The following SHANK2 variants were observed in gnomAD, a reference collection of about 807,000 sequenced individuals.
The protein encoded by SHANK2 is SH3 and multiple ankyrin repeat domains 2, also known as SH3 and multiple ankyrin repeat domains protein 2.
SHANK2 carries 43 observed loss-of-function variants against 133.7 expected under a neutral mutation model. The observed-to-expected ratio is 0.32, with a 90% CI of 0.25 to 0.41. The LOEUF is 0.41. Among genes scored for constraint, SHANK2 ranks in the 10% least tolerant of loss-of-function variants. SHANK2 has a pLI of 1.00. For synonymous variants in SHANK2, 1,017 were observed against 952.8 expected (o/e 1.07, Z -1.24); for missense variants, 1,994 against 2,235.8 (o/e 0.89, Z 2.18).
intron 17 of SHANK2, among the ~76,000 whole-genome samples, chr11:70,600,432 A>G (rs1290602257): frequency 6.6e-6 from 1 of 151,394 alleles, no homozygotes; most frequent in Non-Finnish European, 1.5e-5. Flanking sequence ...AAAAAAAAAA[A>G]AAAAAGAAAA....
chr11:71,080,229 C>T (rs1364139544), intron 8 of SHANK2, among the ~76,000 whole-genome samples: 1 of 152,162 alleles, frequency 6.6e-6, no homozygotes, highest in African/African-American at 2.4e-5. Context: ...GTGTGGGAGG[C>T]TCCACCCATG....
At chr11:70,683,999 G>T (rs1444406404) in intron 15 of SHANK2, among the ~76,000 whole-genome samples, 1 of 152,060 alleles carries the variant, frequency 6.6e-6, no homozygotes, top group Non-Finnish European at 1.5e-5. Flanking sequence ...GGCCAGGCTG[G>T]TCTCGAACTT....
intron 2 of SHANK2, among the ~76,000 whole-genome samples, chr11:71,166,864 T>C (rs1953162989): frequency 1.4e-5 from 2 of 142,204 alleles, no homozygotes; most frequent in Admixed American, 7.1e-5. Flanking sequence ...CACAGGACAA[T>C]AGTGGAGGGA....
intron 8 of SHANK2, among the ~76,000 whole-genome samples, chr11:71,085,619 T>TATTATATAA (rs1951375015): frequency 9.6e-5 from 7 of 72,620 alleles, no homozygotes; most frequent in African/African-American, 1.7e-4. Flanking sequence ...ATATATTATA[T>TATTATATAA]TATATATTAT....
intron 17 of SHANK2, among the ~76,000 whole-genome samples, chr11:70,653,174 C>T (rs1445968432): frequency 6.6e-6 from 1 of 152,078 alleles, no homozygotes; most frequent in Admixed American, 6.5e-5. Flanking sequence ...GGGGTTTCAC[C>T]ATGTTAGCCA....
At position 70,798,282 on chromosome 11, in the gene SHANK2, G is replaced by C. The variant is rs951579864; in HGVS notation, c.1777+161C>G. 6.2e-6 allele frequency: 4 copies of C among 641,258 alleles called. No homozygotes were observed. In the Admixed American group the frequency reaches 8.9e-5, roughly 14 times the overall value. 39.7% of individuals were successfully genotyped at this position (641,258 alleles called of 1,614,324 possible). A position where few individuals can be genotyped will look rare whatever the true frequency, so the allele number is the denominator to read the frequency against. On this transcript the variant is annotated intron_variant, in intron 14 of 25. Coordinates refer to ENST00000601538, the MANE Select transcript of SHANK2 (RefSeq NM_012309.5). ...TGGTTTGGATGAAGCCCAGAGGAAT[G>C]AAAGCAACCAACCTGTTTCCAAAGA...
At chr11:70,496,844 C>T (rs1181689732) in intron 21 of SHANK2, 2 of 406,450 alleles carry the variant, frequency 4.9e-6, no homozygotes, top group Non-Finnish European at 9.9e-6. Flanking sequence ...TTTGCCTCGT[C>T]CAGGAGAACC....
intron 9 of SHANK2, among the ~76,000 whole-genome samples, chr11:71,066,787 G>A (rs1951068568): frequency 6.6e-6 from 1 of 152,200 alleles, no homozygotes; most frequent in Non-Finnish European, 1.5e-5. Context: ...GGACGCTTGT[G>A]TCATTGGGAC....
chr11:70,710,272 G>A lies in SHANK2; in HGVS notation c.1778-11509C>T, dbSNP rs114179362. 4.5e-3 allele frequency among the ~76,000 whole-genome samples: 678 copies of A among 152,314 alleles called. 2 individuals carry two copies. Among genetic ancestry groups the A allele is most frequent in the African/African-American group, 0.015 (640 of 41,568 alleles). On this transcript the variant is annotated intron_variant, in intron 14 of 25. Transcript: ENST00000601538. ...TCTTCACAACGGCCTAAGAGCTGCC[G>A]CACGACAAGTGACCAGGCTCTGAAG... is the stretch of plus-strand genomic sequence containing the variant.
chr11:70,693,281 T>C (rs1322735715), intron 15 of SHANK2, among the ~76,000 whole-genome samples: 1 of 152,228 alleles, frequency 6.6e-6, no homozygotes, highest in Non-Finnish European at 1.5e-5. Flanking sequence ...CCACTGCAAG[T>C]GCGAGAAGAC....
intron 14 of SHANK2, among the ~76,000 whole-genome samples, chr11:70,701,034 G>T (rs1431068552): frequency 6.6e-6 from 1 of 152,226 alleles, no homozygotes; most frequent in Non-Finnish European, 1.5e-5. Context: ...CCCTCATGTG[G>T]CAGCTTTGTG....
intron 10 of SHANK2, among the ~76,000 whole-genome samples, chr11:70,913,398 T>C (rs1024098976): frequency 6.6e-6 from 1 of 152,112 alleles, no homozygotes; most frequent in African/African-American, 2.4e-5. Flanking sequence ...TAAAATTGCA[T>C]TTCAATTCCT....
intron 25 of SHANK2, among the ~76,000 whole-genome samples, chr11:70,478,468 G>T (rs1314107193): frequency 6.6e-6 from 1 of 152,200 alleles, no homozygotes; most frequent in Admixed American, 6.5e-5. Flanking sequence ...GCATTTTAGT[G>T]ATGAGCCCCC....
chr11:70,821,754 C>T lies in SHANK2; in HGVS notation c.1175-1072G>A, dbSNP rs111921985. Among the ~76,000 whole-genome samples the T allele has an allele frequency of 5.9e-3, 894 of 152,262 alleles. 11 individuals are homozygous for T. The highest frequency in any genetic ancestry group is 0.02 in the African/African-American group (839 of 41,544). On this transcript the variant is annotated intron_variant, in intron 11 of 25. Coordinates refer to ENST00000601538, the MANE Select transcript of SHANK2 (RefSeq NM_012309.5). The stretch of plus-strand genomic sequence containing the variant: ...TGGAGTTTAAGCCACCTGTCTGTGG[C>T]GCTCTGCCACGCCTGAGCCAACCAT...
intron 8 of SHANK2, among the ~76,000 whole-genome samples, chr11:71,076,664 G>A (rs1243460956): frequency 6.6e-6 from 1 of 152,130 alleles, no homozygotes; most frequent in Non-Finnish European, 1.5e-5. Flanking sequence ...GGCCCCCATG[G>A]CCCCTTCTTC....
chr11:70,609,596 G>A (rs938998061), intron 17 of SHANK2, among the ~76,000 whole-genome samples: 24 of 151,940 alleles, frequency 1.6e-4, no homozygotes, highest in African/African-American at 5.8e-4. Context: ...AACGTGGCAC[G>A]TACAAATGAT....
chr11:71,215,039 T>G (rs1555119525), intron 2 of SHANK2, among the ~76,000 whole-genome samples: 1 of 152,126 alleles, frequency 6.6e-6, no homozygotes, highest in African/African-American at 2.4e-5. Context: ...ACATGGGGCT[T>G]TCCCTTCAGC....
chr11:70,540,649 C>T (rs189693820), intron 17 of SHANK2, among the ~76,000 whole-genome samples: 54 of 152,116 alleles, frequency 3.5e-4, no homozygotes, highest in African/African-American at 7.7e-4. Context: ...AACTGTACTG[C>T]GGTAAAATCC....
At chr11:70,906,496 C>T (rs2135707113) in intron 10 of SHANK2, among the ~76,000 whole-genome samples, 1 of 152,192 alleles carries the variant, frequency 6.6e-6, no homozygotes, top group East Asian at 1.9e-4. Flanking sequence ...TCCACCGCCC[C>T]GACGAAGCCT....
Sources: allele counts gnomAD v4.1 joint callset (sites outside exome capture counted in the v4.1 genomes callset), GRCh38; gene constraint gnomAD v4.1.1; transcripts MANE v1.5; gene names NCBI Gene and HGNC (gene_info 2026-07-23, HGNC 2026-07-21).